ZNF506: variants seen among roughly 807,000 people sequenced by gnomAD.
ZNF506 encodes zinc finger protein 506.
Under a neutral mutation model 11.6 loss-of-function variants are expected in ZNF506, and 10 were observed. The observed-to-expected ratio is 0.86, with a 90% CI of 0.53 to 1.46. The LOEUF is 1.46. Ranked by LOEUF, ZNF506 falls within the 40% of genes most tolerant of loss-of-function variation. ZNF506 has a pLI of 0.00. For missense variants in ZNF506, 425 were observed against 521.2 expected (o/e 0.82, Z 1.80); for synonymous variants, 156 against 173.3 (o/e 0.90, Z 0.78).
intron 1 of ZNF506, 112 bp downstream of exon 1, chr19:19,821,489 G>A: frequency 1.4e-6 from 2 of 1,396,396 alleles, no homozygotes; most frequent in South Asian, 1.2e-5. Flanking sequence ...GCAGATTGTG[G>A]AGCTGACTGC....
chr19:19,821,457 C>T, intron 1 of ZNF506, 144 bp downstream of exon 1: 1 of 1,090,246 alleles, frequency 9.2e-7, no homozygotes, highest in Non-Finnish European at 1.4e-6. Flanking sequence ...TGGGGCGGAG[C>T]TGGGCAATGA....
intron 3 of ZNF506, chr19:19,799,384 C>T: frequency 1.6e-6 from 1 of 617,092 alleles, no homozygotes; most frequent in South Asian, 1.9e-5. Context: ...ATAGAGAACA[C>T]TCCTCAACAT....
At chr19:19,806,001 T>C in intron 3 of ZNF506, 30 bp downstream of exon 3, 1 of 1,558,866 alleles carries the variant, frequency 6.4e-7, no homozygotes, top group Non-Finnish European at 8.8e-7. Context: ...ATCTGTGTTG[T>C]CTGTCCTATT....
At position 19,793,323 on chromosome 19, in the gene ZNF506, A is replaced by AT. The variant is rs1234028549; in HGVS notation, c.*1228dup. 6.6e-6 allele frequency among the ~76,000 whole-genome samples: 1 copy of AT among 152,020 alleles called. No homozygotes were observed. On this transcript the variant is annotated 3_prime_UTR_variant, in exon 4 of 4. Transcript: ENST00000540806. ...ACGTAAAATCAATTTTGAATTAAAT[A>AT]TTTTTTTCATATTTACATCTGCAAA...
At position 19,807,922 on chromosome 19, in the gene ZNF506, A is replaced by G. The variant is rs187881964; in HGVS notation, c.4-854T>C. ...GCCTGTGTTTTCCCCCACATTTTCT[A>G]GCCTATAAACAAAGAGCCCTCATTT... On this transcript the variant is annotated intron_variant, in intron 1 of 3. Transcript: ENST00000540806. Among the ~76,000 whole-genome samples, 8 of 152,194 alleles carry G rather than the reference A, an allele frequency of 5.3e-5. No homozygotes were observed. In the East Asian group the frequency reaches 1.5e-3, roughly 29 times the overall value.
chr19:19,818,582 A>G (rs1380661653), intron 1 of ZNF506, among the ~76,000 whole-genome samples: 1 of 152,252 alleles, frequency 6.6e-6, no homozygotes, highest in East Asian at 1.9e-4. Context: ...GGAAAGAAAA[A>G]GGTAAATGAG....
In ZNF506 at chr19:19,794,667, T is replaced by C. The variant is rs568927071; in HGVS notation, c.1220A>G (p.Asn407Ser). The change falls in exon 4 of 4, where the codon AAC becomes AGC. Residue 407 changes from asparagine (N) to serine (S), a missense_variant. Coordinates refer to ENST00000540806, the MANE Select transcript of ZNF506 (RefSeq NM_001099269.3). ...ATGTTTATTAAGGGCTGAGGACCAG[T>C]TAAAAGCTTTGCCACATTCTTCACA... is the stretch of plus-strand genomic sequence containing the variant. The part of the protein sequence containing the change: ...YKCEECGKAF[N>S]WSSALNKHKK... 2.5e-6 allele frequency: 4 copies of C among 1,614,156 alleles called. No homozygotes were observed. The South Asian group carries it at 4.4e-5, about 18-fold the overall frequency.
chr19:19,805,937 A>G, intron 3 of ZNF506, 94 bp downstream of exon 3: 1 of 1,083,712 alleles, frequency 9.2e-7, no homozygotes, highest in Non-Finnish European at 1.3e-6. Flanking sequence ...TTGGGAACAC[A>G]GCTTCCCAAA....
At chr19:19,801,619 C>T (rs1402119235) in intron 3 of ZNF506, among the ~76,000 whole-genome samples, 3 of 151,866 alleles carry the variant, frequency 2.0e-5, no homozygotes, top group Admixed American at 6.6e-5. Flanking sequence ...GGTGAAACCC[C>T]ATCTCGACTA....
intron 1 of ZNF506, among the ~76,000 whole-genome samples, chr19:19,814,389 C>G (rs2145202873): frequency 8.6e-6 from 1 of 116,372 alleles, no homozygotes; most frequent in East Asian, 4.5e-4. Flanking sequence ...CCCTGGGCAG[C>G]AAGTGCAAAA....
chr19:19,802,087 TG>T (rs1431154155), intron 3 of ZNF506, among the ~76,000 whole-genome samples: 1 of 149,116 alleles, frequency 6.7e-6, no homozygotes, highest in Non-Finnish European at 1.5e-5. Context: ...TGCCTGTAAT[TG>T]CAGCTACTTG....
chr19:19,801,753 T>C (rs1216463355), intron 3 of ZNF506, among the ~76,000 whole-genome samples: 1 of 151,520 alleles, frequency 6.6e-6, no homozygotes, highest in Non-Finnish European at 1.5e-5. Flanking sequence ...ATCGCACCAC[T>C]GCAATCCAGC....
intron 1 of ZNF506, among the ~76,000 whole-genome samples, chr19:19,821,241 C>T (rs2062965130): frequency 6.6e-6 from 1 of 152,148 alleles, no homozygotes; most frequent in South Asian, 2.1e-4. Context: ...GTGAACCCCA[C>T]GAACCAAAGC....
intron 3 of ZNF506, among the ~76,000 whole-genome samples, 171 bp downstream of exon 3, chr19:19,805,858 CTT>C (rs146758877): frequency 0.12 from 18,673 of 151,766 alleles, 1,358 homozygotes; most frequent in South Asian, 0.23. Flanking sequence ...GAAGATGCCT[CTT>C]TGTGAGAGCA....
chr19:19,802,807 A>G (rs536368337), intron 3 of ZNF506, among the ~76,000 whole-genome samples: 1 of 152,334 alleles, frequency 6.6e-6, no homozygotes, highest in South Asian at 2.1e-4. Context: ...CTAAGATGAA[A>G]AGATTAAAAG....
At chr19:19,807,883 T>A (rs2062847809) in intron 1 of ZNF506, among the ~76,000 whole-genome samples, 1 of 152,050 alleles carries the variant, frequency 6.6e-6, no homozygotes, top group African/African-American at 2.4e-5. Context: ...TTCAAACATT[T>A]AGTAAGTGGA....
chr19:19,793,184 TAAAG>T lies in ZNF506; in HGVS notation c.*1364_*1367del, dbSNP rs1489372038. 6.6e-6 allele frequency among the ~76,000 whole-genome samples: 1 copy of T among 152,186 alleles called. No individual in the cohort carries two copies. Among genetic ancestry groups the T allele is most frequent in the Non-Finnish European group, 1.5e-5 (1 of 68,010 alleles). ...ACAATGCTTCAGAAAATCTCCCTTT[TAAAG>T]TTATATACAAAAACAGCTTTAGTTG... On this transcript the variant is annotated 3_prime_UTR_variant, in exon 4 of 4. Transcript: ENST00000540806.
In ZNF506 at chr19:19,794,631, T is replaced by C. The variant is rs2062722155; in HGVS notation, c.1256A>G (p.His419Arg). 1 of 1,613,088 alleles carries C rather than the reference T, an allele frequency of 6.2e-7. No individual in the cohort carries two copies. The highest frequency in any genetic ancestry group is 1.1e-5 in the South Asian group (1 of 90,918). Residue 419 changes from histidine (H) to arginine (R), a missense_variant, in exon 4 of 4, where the codon CAT becomes CGT. Transcript: ENST00000540806. ...SSALNKHKKI[H>R]IRQKPCIVKN... ...CACTATGCAGGGTTTCTGTCTAATA[T>C]GAATTTTCTTATGTTTATTAAGGGC... is the stretch of plus-strand genomic sequence containing the variant.
intron 1 of ZNF506, among the ~76,000 whole-genome samples, chr19:19,818,685 C>G (rs1231781097): frequency 6.6e-6 from 1 of 152,152 alleles, no homozygotes; most frequent in African/African-American, 2.4e-5. Context: ...TCAAGCCCTA[C>G]TAATAAAATG....
Sources: gnomAD v4.1 joint callset for allele counts (sites outside exome capture counted in the v4.1 genomes callset) on GRCh38, gnomAD v4.1.1 for gene constraint, MANE v1.5 for transcripts, NCBI Gene and HGNC (gene_info 2026-07-23, HGNC 2026-07-21) for gene names.